NOM1: variants seen among roughly 807,000 people sequenced by gnomAD.
The protein encoded by NOM1 is nucleolar protein with MIF4G domain 1, also known as nucleolar MIF4G domain-containing protein 1.
Under a neutral mutation model 73.3 loss-of-function variants are expected in NOM1, and 58 were observed. The ratio of observed to expected loss-of-function variants is 0.79; its 90% CI spans 0.64 to 0.99. NOM1 has a LOEUF of 0.99. Ranked by LOEUF, NOM1 falls within the 50% of genes least tolerant of loss-of-function variation. The probability of loss-of-function intolerance (pLI) is 0.00; values close to 1 mark genes in which losing one functional copy is unlikely to be tolerated. For missense variants in NOM1, 1,226 were observed against 1,131.9 expected (o/e 1.08, Z -1.19); for synonymous variants, 487 against 446.8 (o/e 1.09, Z -1.14).
chr7:156,952,773 A>G (rs1804626675), intron 2 of NOM1, among the ~76,000 whole-genome samples, 175 bp downstream of exon 2: 2 of 152,046 alleles, frequency 1.3e-5, no homozygotes, highest in African/African-American at 4.8e-5. Context: ...AGGAGAGGAT[A>G]CCCGACTGTT....
At chr7:156,961,002 G>T (rs1804850952) in intron 4 of NOM1, among the ~76,000 whole-genome samples, 1 of 152,134 alleles carries the variant, frequency 6.6e-6, no homozygotes, top group Non-Finnish European at 1.5e-5. Flanking sequence ...AGGAGATGAG[G>T]ATTTAGGACA....
chr7:156,966,504 C>A, intron 8 of NOM1, 102 bp downstream of exon 8: 2 of 1,331,700 alleles, frequency 1.5e-6, no homozygotes, highest in South Asian at 2.6e-5. Context: ...AGTCAGGAGG[C>A]CCCTGATATC....
chr7:156,962,215 A>G lies in NOM1; in HGVS notation c.1697A>G (p.Tyr566Cys), dbSNP rs752977366. The G allele has an allele frequency of 9.9e-6, 16 of 1,614,062 alleles. No individual in the cohort carries two copies. Among genetic ancestry groups the G allele is most frequent in the Non-Finnish European group, 1.4e-5 (16 of 1,180,026 alleles). ...AATGACATGCGCAAAATTCCAGGCT[A>G]TGACCCCGAGCCCGTGGAGAAGCTG... is the stretch of plus-strand genomic sequence containing the variant. ...KNNDMRKIPG[Y>C]DPEPVEKLRK... The change falls in exon 5 of 11, where the codon TAT becomes TGT. Residue 566 changes from tyrosine (Y) to cysteine (C), a missense_variant. Transcript: ENST00000275820.
At chr7:156,956,188 G>C (rs1051127569) in intron 3 of NOM1, among the ~76,000 whole-genome samples, 1 of 111,210 alleles carries the variant, frequency 9.0e-6, no homozygotes, top group African/African-American at 3.4e-5. Context: ...GCGAGACTCA[G>C]TCTCAAAAAA....
intron 3 of NOM1, among the ~76,000 whole-genome samples, chr7:156,959,441 C>T (rs980592993): frequency 4.6e-5 from 7 of 151,918 alleles, no homozygotes; most frequent in African/African-American, 1.7e-4. Context: ...GGGGTTTCAC[C>T]GTGTTAGCCA....
intron 3 of NOM1, among the ~76,000 whole-genome samples, chr7:156,957,387 T>C (rs573186417): frequency 3.1e-4 from 47 of 152,384 alleles, no homozygotes; most frequent in Non-Finnish European, 4.1e-4. Flanking sequence ...ATTTTACTTA[T>C]ATTCTTAAAT....
At position 156,973,146 on chromosome 7, in the gene NOM1, T is replaced by A. The variant is rs886493173; in HGVS notation, c.*3443T>A. The A allele has an allele frequency of 6.6e-6, 1 of 152,174 alleles. No individual in the cohort carries two copies. The highest frequency in any genetic ancestry group is 2.4e-5 in the African/African-American group (1 of 41,446). 9.4% of individuals were successfully genotyped at this position (152,174 alleles called of 1,614,324 possible). ...AGGAACAAACTTTAATGTATTGAAA[T>A]GCATAAATAAAATTTATTTTTTATA... is the stretch of plus-strand genomic sequence containing the variant. On this transcript the variant is annotated 3_prime_UTR_variant, in exon 11 of 11. Coordinates refer to ENST00000275820, the MANE Select transcript of NOM1 (RefSeq NM_138400.2).
chr7:156,959,845 T>C lies in NOM1; in HGVS notation c.1309-6T>C, dbSNP rs772519579. 2 of 1,613,612 alleles carry C rather than the reference T, an allele frequency of 1.2e-6. No individual in the cohort carries two copies. Among genetic ancestry groups the C allele is most frequent in the East Asian group, 4.5e-5 (2 of 44,880 alleles). ...ACATAATCTTTTTTCTGTGTGGTTC[T>C]TTCAGGTCGGTGCCCACTTTCTGGA... On this transcript the variant is annotated splice_region_variant and splice_polypyrimidine_tract_variant and intron_variant, in intron 3 of 10. Coordinates refer to ENST00000275820, the MANE Select transcript of NOM1 (RefSeq NM_138400.2).
At chr7:156,967,693 T>C (rs1159270676) in intron 9 of NOM1, among the ~76,000 whole-genome samples, 1 of 152,014 alleles carries the variant, frequency 6.6e-6, no homozygotes, top group Non-Finnish European at 1.5e-5. Flanking sequence ...CCCAGCTAAT[T>C]TTTGTATTTT....
chr7:156,959,853 C>T lies in NOM1; in HGVS notation c.1311C>T (p.Val437=), dbSNP rs1014296344. 3.7e-6 allele frequency: 6 copies of T among 1,613,628 alleles called. No individual in the cohort carries two copies. The highest frequency in any genetic ancestry group is 1.3e-5 in the African/African-American group (1 of 74,906). ...TTTTTTCTGTGTGGTTCTTTCAGGT[C>T]GGTGCCCACTTTCTGGAGGCAGTGG... ...SILHHTVGIE[V]GAHFLEAVVR... The change falls in exon 4 of 11, where the codon GTC becomes GTT. Residue 437 remains valine (V), a splice_region_variant and synonymous_variant. Transcript: ENST00000275820.
chr7:156,963,047 G>C lies in NOM1; in HGVS notation c.1783G>C (p.Val595Leu). The change falls in exon 6 of 11, where the codon GTC becomes CTC. Residue 595 changes from valine (V) to leucine (L), a missense_variant. Transcript: ENST00000275820. ...AGSGSETQLR[V>L]SWDSVLSAEQ... ...CTCAGGTTCTGAGACGCAGCTTCGC[G>C]TCTCCTGGGACAGTGTCTTGAGTGC... The C allele has an allele frequency of 3.7e-6, 6 of 1,613,736 alleles. No individual in the cohort carries two copies. The highest frequency in any genetic ancestry group is 5.1e-6 in the Non-Finnish European group (6 of 1,179,624).
rs779692904 is a variant in NOM1 at position 156,963,920 on chromosome 7, C to G, written c.1927C>G (p.Leu643Val). ...GTGCTTCCAGGTCAGTTCAAAGATC[C>G]TAGAACTCGCCCGGAAGCAGAGGAT... is the stretch of plus-strand genomic sequence containing the variant. ...QLVGTVSSKILELARKQRMNT... is the reference protein window; with the variant it reads ...QLVGTVSSKIVELARKQRMNT... Residue 643 changes from leucine (L) to valine (V), a missense_variant, in exon 7 of 11, where the codon CTA becomes GTA. Leu to Val is a conservative substitution (Grantham distance 32, BLOSUM62 1). Transcript: ENST00000275820. 5.0e-6 allele frequency: 8 copies of G among 1,613,862 alleles called. No homozygotes were observed. In the African/African-American group the frequency reaches 6.7e-5, roughly 13 times the overall value.
rs374989896 is a variant in NOM1 at position 156,949,720 on chromosome 7, G to A, written c.-18G>A. 58 of 1,337,546 alleles carry A rather than the reference G, an allele frequency of 4.3e-5. No individual in the cohort carries two copies. The highest frequency in any genetic ancestry group is 5.3e-5 in the Non-Finnish European group (56 of 1,049,676). 82.9% of individuals were successfully genotyped at this position (1,337,546 alleles called of 1,614,324 possible). A position where few individuals can be genotyped will look rare whatever the true frequency, so the allele number is the denominator to read the frequency against. ...GTCCCGCCTCGGCCGGAAGTCGTGC[G>A]TCCACGCGTTTCGAAAGATGGCGGC... On this transcript the variant is annotated 5_prime_UTR_variant, in exon 1 of 11. Coordinates refer to ENST00000275820, the MANE Select transcript of NOM1 (RefSeq NM_138400.2).
At chr7:156,963,598 G>T in intron 6 of NOM1, 1 of 360,280 alleles carries the variant, frequency 2.8e-6, no homozygotes, top group Non-Finnish European at 5.1e-6. Context: ...CAGATTCTGT[G>T]TCACTCATGG....
At chr7:156,951,949 G>A (rs1471406241) in intron 1 of NOM1, among the ~76,000 whole-genome samples, 3 of 152,078 alleles carry the variant, frequency 2.0e-5, no homozygotes, top group Admixed American at 6.6e-5. Context: ...CTCGTGATCC[G>A]CCCGCCTCAG....
rs1404855093 is a variant in NOM1 at position 156,950,643 on chromosome 7, A to G, written c.906A>G (p.Lys302=). 6 of 1,554,196 alleles carry G rather than the reference A, an allele frequency of 3.9e-6. No individual in the cohort carries two copies. The South Asian group carries it at 4.7e-5, about 12-fold the overall frequency. The change falls in exon 1 of 11, where the codon AAA becomes AAG. Residue 302 remains lysine, a synonymous_variant. Coordinates refer to ENST00000275820, the MANE Select transcript of NOM1 (RefSeq NM_138400.2). ...AAAAGGAAAAGGGAGCGCAGGAGAA[A>G]AGGAGGGGGAAGAGAGTCCGTTTTG... ...GEEKEKGAQE[K]RRGKRVRFAE... is the part of the protein sequence containing the mutation.
At chr7:156,958,095 C>A (rs531082380) in intron 3 of NOM1, among the ~76,000 whole-genome samples, 2 of 142,672 alleles carry the variant, frequency 1.4e-5, no homozygotes, top group South Asian at 4.9e-4. Flanking sequence ...GCGTTGATTT[C>A]TTTGCAGTCC....
chr7:156,970,151 A>G lies in NOM1; in HGVS notation c.*448A>G, dbSNP rs1805106349. On this transcript the variant is annotated 3_prime_UTR_variant, in exon 11 of 11. Transcript: ENST00000275820. ...AAAAATTAGCCAGGCATGATGGCACATGCTGGTAATAGCAGCTACTGAGGT... is the reference window on the plus strand; with the variant it reads ...AAAAATTAGCCAGGCATGATGGCACGTGCTGGTAATAGCAGCTACTGAGGT... 1 of 152,474 alleles carries G rather than the reference A, an allele frequency of 6.6e-6. No individual in the cohort carries two copies. The highest frequency in any genetic ancestry group is 2.1e-4 in the South Asian group (1 of 4,846). The allele number at this position is 152,474 out of a possible 1,614,324, so 9.4% of individuals were successfully genotyped here.
intron 3 of NOM1, among the ~76,000 whole-genome samples, chr7:156,956,149 C>T (rs542632535): frequency 8.6e-4 from 130 of 150,980 alleles, no homozygotes; most frequent in African/African-American, 3.0e-3. Context: ...GCCGAGATCG[C>T]GTCACTGCAC....
Sources: allele counts gnomAD v4.1 joint callset (sites outside exome capture counted in the v4.1 genomes callset), GRCh38; gene constraint gnomAD v4.1.1; transcripts MANE v1.5; gene names NCBI Gene and HGNC (gene_info 2026-07-23, HGNC 2026-07-21).